The following SPTLC2 variants were observed in gnomAD, a reference collection of about 807,000 sequenced individuals.
SPTLC2 encodes serine palmitoyltransferase 2.
Under a neutral mutation model 62.0 loss-of-function variants are expected in SPTLC2, and 21 were observed. The ratio of observed to expected loss-of-function variants is 0.34; its 90% confidence interval spans 0.24 to 0.49. The LOEUF (loss-of-function observed/expected upper bound fraction) is 0.49. Ranked by LOEUF, SPTLC2 falls within the 20% of genes least tolerant of loss-of-function variation. The pLI, the probability that SPTLC2 is intolerant of heterozygous loss-of-function variation, is 0.99. For synonymous variants in SPTLC2, 261 were observed against 261.8 expected (o/e 1.00, Z 0.03); for missense variants, 511 against 713.0 (o/e 0.72, Z 3.23).
intron 9 of SPTLC2, among the ~76,000 whole-genome samples, chr14:77,543,236 GAC>G (rs921244638): frequency 2.6e-5 from 4 of 152,142 alleles, no homozygotes; most frequent in African/African-American, 9.7e-5. Flanking sequence ...TTTTAGTAGA[GAC>G]ACGGTTTCAC....
intron 1 of SPTLC2, among the ~76,000 whole-genome samples, chr14:77,609,476 C>T (rs755519803): frequency 3.9e-5 from 6 of 152,146 alleles, no homozygotes; most frequent in Non-Finnish European, 8.8e-5. Context: ...GTGGTTCACG[C>T]CTGTAATTCC....
At chr14:77,576,981 T>C (rs534514582) in intron 3 of SPTLC2, 66 bp from the exon 4 acceptor site, 271 of 1,572,840 alleles carry the variant, frequency 1.7e-4, no homozygotes, top group Non-Finnish European at 2.2e-4. Context: ...TAATATTAAA[T>C]GAACTGGTGA....
At chr14:77,568,487 TTC>T (rs1312540416) in intron 5 of SPTLC2, among the ~76,000 whole-genome samples, 5 of 152,328 alleles carry the variant, frequency 3.3e-5, no homozygotes, top group Admixed American at 6.5e-5. Context: ...ATTACTGATT[TTC>T]TGTTTCATTC....
At chr14:77,593,016 T>A (rs951440559) in intron 2 of SPTLC2, among the ~76,000 whole-genome samples, 3 of 151,188 alleles carry the variant, frequency 2.0e-5, no homozygotes, top group African/African-American at 7.3e-5. Flanking sequence ...GGCAAGAGAA[T>A]CACTTGAACC....
At position 77,539,483 on chromosome 14, in the gene SPTLC2, CTTTTTTTTTTTTT is replaced by C. The variant is rs71128638; in HGVS notation, c.1303+12600_1303+12612del. Among the ~76,000 whole-genome samples, 11 of 53,486 alleles carry C rather than the reference CTTTTTTTTTTTTT, an allele frequency of 2.1e-4. No individual in the cohort carries two copies. In the East Asian group the frequency reaches 0.012, roughly 56 times the overall value. 35.1% of individuals were successfully genotyped at this position (53,486 alleles called of 152,430 possible). A position where few individuals can be genotyped will look rare whatever the true frequency, so the allele number is the denominator to read the frequency against. On this transcript the variant is annotated intron_variant, in intron 9 of 11. Transcript: ENST00000216484. Reference sequence around the variant, plus strand: ...AAAATGAAAATTTTATCTTAAGAGGCTTTTTTTTTTTTTTTTTTTTTTTGGAGATGGGGTCTCG... The same window carrying C: ...AAAATGAAAATTTTATCTTAAGAGGCTTTTTTTTTTGGAGATGGGGTCTCG...
intron 2 of SPTLC2, among the ~76,000 whole-genome samples, chr14:77,586,059 G>C (rs1035789894): frequency 6.8e-6 from 1 of 147,796 alleles, no homozygotes; most frequent in African/African-American, 2.5e-5. Context: ...CGATGAACGT[G>C]ATAAATTTTT....
rs767144646 is a variant in SPTLC2 at position 77,509,908 on chromosome 14, G to A, written c.*2376C>T. ...GTGATATAGATATATTTTAAATGCC[G>A]GTACTGACATTTGAATTTGCAGTGA... On this transcript the variant is annotated 3_prime_UTR_variant, in exon 12 of 12. Transcript: ENST00000216484. The A allele has an allele frequency of 2.0e-5, 8 of 398,204 alleles. No homozygotes were observed. Among genetic ancestry groups the A allele is most frequent in the Admixed American group, 4.4e-5 (1 of 22,712 alleles). The allele number at this position is 398,204 out of a possible 1,614,324, so 24.7% of individuals were successfully genotyped here.
chr14:77,583,960 A>G (rs1326894939), intron 2 of SPTLC2, among the ~76,000 whole-genome samples: 3 of 152,200 alleles, frequency 2.0e-5, no homozygotes, highest in Non-Finnish European at 4.4e-5. Flanking sequence ...AAGGAGAGGG[A>G]AAACAATACC....
intron 2 of SPTLC2, among the ~76,000 whole-genome samples, chr14:77,592,752 T>A (rs1227254363): frequency 6.6e-6 from 1 of 152,124 alleles, no homozygotes; most frequent in African/African-American, 2.4e-5. Context: ...TCCCTCTTCC[T>A]ACCCACCACA....
chr14:77,532,320 A>G (rs1277513107), intron 9 of SPTLC2, among the ~76,000 whole-genome samples: 1 of 152,202 alleles, frequency 6.6e-6, no homozygotes, highest in Non-Finnish European at 1.5e-5. Context: ...GAATACACAG[A>G]ATAGAAAATC....
At chr14:77,606,919 G>A (rs866760319) in intron 1 of SPTLC2, among the ~76,000 whole-genome samples, 5 of 151,682 alleles carry the variant, frequency 3.3e-5, no homozygotes, top group Non-Finnish European at 5.9e-5. Flanking sequence ...AGCCCAGAAG[G>A]TTGAAGCTGC....
At chr14:77,549,569 T>C (rs2079545645) in intron 9 of SPTLC2, among the ~76,000 whole-genome samples, 1 of 152,098 alleles carries the variant, frequency 6.6e-6, no homozygotes, top group Non-Finnish European at 1.5e-5. Context: ...CCACCAACCA[T>C]CTCAGTCTTT....
At chr14:77,518,390 TGA>T (rs2079369206) in intron 10 of SPTLC2, among the ~76,000 whole-genome samples, 1 of 151,990 alleles carries the variant, frequency 6.6e-6, no homozygotes, top group Non-Finnish European at 1.5e-5. Context: ...TTCACAAAAC[TGA>T]AATAACCAGC....
chr14:77,558,232 G>T (rs1417918560), intron 6 of SPTLC2, among the ~76,000 whole-genome samples: 1 of 152,092 alleles, frequency 6.6e-6, no homozygotes, highest in African/African-American at 2.4e-5. Flanking sequence ...CTTTTGTAGA[G>T]ACGGGGTTTC....
chr14:77,603,592 T>G (rs1026491693), intron 1 of SPTLC2, among the ~76,000 whole-genome samples: 1 of 152,256 alleles, frequency 6.6e-6, no homozygotes, highest in Non-Finnish European at 1.5e-5. Flanking sequence ...TAGTTTTTCG[T>G]GTAGGCAGCA....
In SPTLC2 at chr14:77,570,632, G is replaced by T. The variant is rs1051178836; in HGVS notation, c.632-124C>A. 2.6e-6 allele frequency: 3 copies of T among 1,132,158 alleles called. No individual in the cohort carries two copies. The African/African-American group carries it at 4.6e-5, about 18-fold the overall frequency. The allele number at this position is 1,132,158 out of a possible 1,614,324, so 70.1% of individuals were successfully genotyped here. A position where few individuals can be genotyped will look rare whatever the true frequency, so the allele number is the denominator to read the frequency against. On this transcript the variant is annotated intron_variant, in intron 4 of 11. Transcript: ENST00000216484. Reference sequence around the variant, plus strand: ...TTTTCAGACTAAGATCTATGAAGGAGTCAATATTATGAAGAGTAATATTCT... The same window carrying T: ...TTTTCAGACTAAGATCTATGAAGGATTCAATATTATGAAGAGTAATATTCT...
chr14:77,514,518 G>T (rs898558365), intron 11 of SPTLC2, among the ~76,000 whole-genome samples: 20 of 152,184 alleles, frequency 1.3e-4, no homozygotes, highest in African/African-American at 4.6e-4. Context: ...CAGGTAAGGT[G>T]GGTTTCTAGG....
rs1372173387 is a variant in SPTLC2 at position 77,509,543 on chromosome 14, C to T, written c.*2741G>A. On this transcript the variant is annotated 3_prime_UTR_variant, in exon 12 of 12. Coordinates refer to ENST00000216484, the MANE Select transcript of SPTLC2 (RefSeq NM_004863.4). ...ATCAGTTTTGGTAGTCATGGTTAAC[C>T]GGTATCTGTTTGAATCCTATCAGAG... The T allele has an allele frequency of 1.4e-5, 3 of 218,786 alleles. No individual in the cohort carries two copies. Among genetic ancestry groups the T allele is most frequent in the Non-Finnish European group, 1.8e-5 (2 of 112,448 alleles). 13.6% of individuals were successfully genotyped at this position (218,786 alleles called of 1,614,324 possible). A position where few individuals can be genotyped will look rare whatever the true frequency, so the allele number is the denominator to read the frequency against.
At chr14:77,614,381 C>T (rs192850436) in intron 1 of SPTLC2, among the ~76,000 whole-genome samples, 42 of 151,186 alleles carry the variant, frequency 2.8e-4, no homozygotes, top group African/African-American at 9.9e-4. Context: ...AAAAATCATA[C>T]CGGCCAGGTG....
Sources: allele counts gnomAD v4.1 joint callset (sites outside exome capture counted in the v4.1 genomes callset), GRCh38; gene constraint gnomAD v4.1.1; transcripts MANE v1.5; gene names NCBI Gene and HGNC (gene_info 2026-07-23, HGNC 2026-07-21).